The following KIAA1217 variants were observed in gnomAD, a reference collection of about 807,000 sequenced individuals.
KIAA1217 encodes KIAA1217, also known as sickle tail protein homolog.
A neutral mutation model predicts 163.9 loss-of-function variants in KIAA1217; 88 were observed. The ratio of observed to expected loss-of-function variants is 0.54; its 90% CI spans 0.45 to 0.64. The LOEUF (loss-of-function observed/expected upper bound fraction) is 0.64. KIAA1217 is among the 30% of genes least tolerant of loss of function. The pLI is 0.00. For missense variants in KIAA1217, 2,372 were observed against 2,475.0 expected (o/e 0.96, Z 0.88); for synonymous variants, 903 against 923.1 (o/e 0.98, Z 0.39).
rs770174334 is a variant in KIAA1217 at position 24,473,285 on chromosome 10, T to A, written c.904T>A (p.Ser302Thr). Residue 302 changes from serine (S) to threonine (T), a missense_variant, in exon 6 of 21, where the codon TCT (serine) becomes ACT (threonine). Physicochemically the swap from Ser to Thr is moderately conservative, Grantham distance 58. Coordinates refer to ENST00000376454, the MANE Select transcript of KIAA1217 (RefSeq NM_019590.5). ...TGGCCCTGGGGCCCCTCGCCCCGGA[T>A]CTACTGCTCATCCACCCCATGCGAT... is the stretch of plus-strand genomic sequence containing the variant. The part of the protein sequence containing the change: ...GDGPGAPRPG[S>T]TAHPPHAIPN... 16 of 1,530,518 alleles carry A rather than the reference T, an allele frequency of 1.0e-5. No homozygotes were observed. In the Admixed American group the frequency reaches 1.5e-4, roughly 14 times the overall value. 94.8% of individuals were successfully genotyped at this position (1,530,518 alleles called of 1,614,324 possible).
rs528921182 is a variant in KIAA1217 at position 24,449,356 on chromosome 10, T to A, written c.846+10877T>A. ...TTTTTATTTTTTGTCATTGAGAGGT[T>A]ATGACAACATGAGCCATATTGTATT... is the stretch of plus-strand genomic sequence containing the variant. On this transcript the variant is annotated intron_variant, in intron 5 of 20. Transcript: ENST00000376454. The A allele has an allele frequency of 7.5e-5, 43 of 569,778 alleles. No individual in the cohort carries two copies. The African/African-American group carries it at 8.4e-4, about 11-fold the overall frequency. The allele number at this position is 569,778 out of a possible 1,614,324, so 35.3% of individuals were successfully genotyped here.
intron 1 of KIAA1217, among the ~76,000 whole-genome samples, chr10:23,986,629 C>T (rs1369287672): frequency 4.6e-5 from 7 of 152,064 alleles, no homozygotes; most frequent in Non-Finnish European, 8.8e-5. Flanking sequence ...AGTCCACATA[C>T]GTGGAACCTG....
At chr10:24,256,064 A>C (rs1025883201) in intron 2 of KIAA1217, among the ~76,000 whole-genome samples, 3 of 151,718 alleles carry the variant, frequency 2.0e-5, no homozygotes, top group Non-Finnish European at 4.4e-5. Context: ...AAAAAAAAAA[A>C]AAAAAGCTGC....
intron 2 of KIAA1217, among the ~76,000 whole-genome samples, chr10:24,279,084 C>T (rs1232306494): frequency 6.6e-6 from 1 of 152,096 alleles, no homozygotes; most frequent in Non-Finnish European, 1.5e-5. Context: ...AGGTGATCCG[C>T]ACATCTTGGC....
intron 2 of KIAA1217, among the ~76,000 whole-genome samples, chr10:24,047,772 C>G (rs528600283): frequency 6.6e-6 from 1 of 152,118 alleles, no homozygotes; most frequent in Non-Finnish European, 1.5e-5. Flanking sequence ...ACTTGGAGAA[C>G]AAAAAGTGTG....
chr10:24,084,664 C>T (rs2061638197), intron 2 of KIAA1217, among the ~76,000 whole-genome samples: 2 of 152,088 alleles, frequency 1.3e-5, no homozygotes, highest in African/African-American at 4.8e-5. Context: ...GAAAACCAGG[C>T]TACTGTGGTG....
At chr10:24,210,809 G>A (rs2366905) in intron 1 of KIAA1217, among the ~76,000 whole-genome samples, 80,888 of 151,440 alleles carry the variant, frequency 0.53, 21,885 homozygotes, top group East Asian at 0.7. Context: ...GTTTCAGGGG[G>A]TGGGGAGCTG....
chr10:24,347,947 A>G (rs1475643075), intron 2 of KIAA1217, among the ~76,000 whole-genome samples: 2 of 152,252 alleles, frequency 1.3e-5, no homozygotes, highest in Admixed American at 6.5e-5. Context: ...AATTAATGGA[A>G]TGCGTGTCAT....
chr10:24,100,359 G>C (rs1249523866), intron 2 of KIAA1217, among the ~76,000 whole-genome samples: 1 of 152,110 alleles, frequency 6.6e-6, no homozygotes, highest in Non-Finnish European at 1.5e-5. Context: ...TCTGTGACTC[G>C]GTATGAAGCC....
chr10:23,778,082 T>C (rs926431747), intron 1 of KIAA1217, among the ~76,000 whole-genome samples: 3 of 152,098 alleles, frequency 2.0e-5, no homozygotes, highest in African/African-American at 7.2e-5. Context: ...GCTGGGATTA[T>C]GGGTGTGCAC....
intron 1 of KIAA1217, among the ~76,000 whole-genome samples, chr10:23,823,680 A>G (rs1330851567): frequency 6.6e-6 from 1 of 152,172 alleles, no homozygotes; most frequent in African/African-American, 2.4e-5. Flanking sequence ...TGAATATAAA[A>G]CATTAAACCC....
chr10:24,106,955 G>A (rs528052840), intron 2 of KIAA1217, among the ~76,000 whole-genome samples: 1 of 152,196 alleles, frequency 6.6e-6, no homozygotes, highest in East Asian at 1.9e-4. Flanking sequence ...TGTCATGGGG[G>A]TTTGGTGTAC....
intron 1 of KIAA1217, among the ~76,000 whole-genome samples, chr10:23,810,702 A>C (rs1242946129): frequency 2.0e-4 from 25 of 127,920 alleles, no homozygotes; most frequent in African/African-American, 4.5e-4. Flanking sequence ...ATACTATATT[A>C]ATCTATAAAT....
chr10:23,796,375 T>A (rs12771769), intron 1 of KIAA1217, among the ~76,000 whole-genome samples: 1 of 108,970 alleles, frequency 9.2e-6, no homozygotes, highest in Admixed American at 9.0e-5. Flanking sequence ...TTATTTATTT[T>A]TTAATTGAGA....
At chr10:24,049,335 G>C (rs923806822) in intron 2 of KIAA1217, among the ~76,000 whole-genome samples, 16 of 152,140 alleles carry the variant, frequency 1.1e-4, no homozygotes, top group African/African-American at 3.4e-4. Flanking sequence ...AGAATTAACA[G>C]TCTCCGAGTT....
At chr10:23,938,405 G>A (rs1056326417) in intron 1 of KIAA1217, among the ~76,000 whole-genome samples, 8 of 151,760 alleles carry the variant, frequency 5.3e-5, no homozygotes, top group Non-Finnish European at 8.8e-5. Context: ...AACAAAGCTC[G>A]TACATAGGTA....
intron 2 of KIAA1217, among the ~76,000 whole-genome samples, chr10:24,283,597 T>C (rs954425601): frequency 1.3e-5 from 2 of 151,932 alleles, no homozygotes; most frequent in Admixed American, 1.3e-4. Context: ...ACACAGGAGG[T>C]GGAGGTTGCA....
intron 1 of KIAA1217, among the ~76,000 whole-genome samples, chr10:23,867,645 T>C (rs1386277345): frequency 6.6e-6 from 1 of 152,228 alleles, no homozygotes; most frequent in African/African-American, 2.4e-5. Context: ...TGCATAAATA[T>C]CTTCTTTTGA....
At chr10:23,790,604 T>C (rs1588825603) in intron 1 of KIAA1217, among the ~76,000 whole-genome samples, 1 of 126,260 alleles carries the variant, frequency 7.9e-6, no homozygotes, top group Non-Finnish European at 1.6e-5. Flanking sequence ...TACATGTACA[T>C]ATATACATAT....
Sources: allele counts gnomAD v4.1 joint callset (sites outside exome capture counted in the v4.1 genomes callset), GRCh38; gene constraint gnomAD v4.1.1; transcripts MANE v1.5; gene names NCBI Gene and HGNC (gene_info 2026-07-23, HGNC 2026-07-21).